The following IGSF23 variants were observed in gnomAD, a reference collection of about 807,000 sequenced individuals.
The protein encoded by IGSF23 is immunoglobulin superfamily, member 23.
IGSF23 carries 14 observed loss-of-function variants against 17.8 expected under a neutral mutation model. That is an observed-to-expected ratio of 0.79 (90% CI 0.52 to 1.23). IGSF23 has a LOEUF of 1.23. Among genes scored for constraint, IGSF23 ranks in the 50% most tolerant of loss-of-function variants. IGSF23 has a pLI of 0.00. For missense variants in IGSF23, 214 were observed against 241.7 expected (o/e 0.89, Z 0.76); for synonymous variants, 85 against 92.5 (o/e 0.92, Z 0.46).
At chr19:44,618,226 A>C (rs569203766) in intron 1 of IGSF23, 2 of 470,520 alleles carry the variant, frequency 4.3e-6, no homozygotes, top group Admixed American at 4.7e-5. Flanking sequence ...TGAGGGTATG[A>C]CGCCCAGCCA....
intron 4 of IGSF23, 51 bp downstream of exon 4, chr19:44,635,516 A>G: frequency 7.5e-7 from 1 of 1,337,758 alleles, no homozygotes; most frequent in Non-Finnish European, 1.0e-6. Context: ...AACAGAAAGA[A>G]GTTCTTGGGC....
At chr19:44,629,184 G>A (rs1386782090) in intron 3 of IGSF23, among the ~76,000 whole-genome samples, 1 of 152,164 alleles carries the variant, frequency 6.6e-6, no homozygotes, top group Non-Finnish European at 1.5e-5. Flanking sequence ...GCCATGGAGG[G>A]TCTAGTGCAA....
At chr19:44,629,314 G>A (rs1208437513) in intron 3 of IGSF23, among the ~76,000 whole-genome samples, 2 of 152,180 alleles carry the variant, frequency 1.3e-5, no homozygotes, top group African/African-American at 2.4e-5. Context: ...CACTTTGGAA[G>A]GCCAAGGCAG....
intron 2 of IGSF23, among the ~76,000 whole-genome samples, chr19:44,626,940 A>G (rs954530062): frequency 6.6e-6 from 1 of 151,398 alleles, no homozygotes; most frequent in East Asian, 1.9e-4. Context: ...AAAAAAAGGA[A>G]TTATGCAAGC....
intron 1 of IGSF23, among the ~76,000 whole-genome samples, chr19:44,621,826 G>C (rs1972527936): frequency 6.6e-6 from 1 of 152,052 alleles, no homozygotes; most frequent in Non-Finnish European, 1.5e-5. Context: ...TTCATGTTTT[G>C]AATGTTGATC....
chr19:44,636,027 C>T (rs1451967941), intron 4 of IGSF23, among the ~76,000 whole-genome samples: 1 of 152,180 alleles, frequency 6.6e-6, no homozygotes, highest in Non-Finnish European at 1.5e-5. Flanking sequence ...GCTGGGACAA[C>T]TGGCCTCTCC....
At chr19:44,632,283 A>G (rs1161629661) in intron 3 of IGSF23, 2 of 206,872 alleles carry the variant, frequency 9.7e-6, no homozygotes, top group Non-Finnish European at 2.0e-5. Flanking sequence ...AATATGCCTA[A>G]TAAGTATAAT....
intron 1 of IGSF23, chr19:44,618,054 C>T (rs1273295204): frequency 2.1e-6 from 1 of 470,434 alleles, no homozygotes; most frequent in Non-Finnish European, 4.4e-6. Flanking sequence ...AATGATTCCT[C>T]CTCCTTCCCT....
In IGSF23 at chr19:44,623,981, C is replaced by T; in HGVS notation, c.391+9C>T. On this transcript the variant is annotated intron_variant, in intron 2 of 4. Coordinates refer to ENST00000402988, the MANE Select transcript of IGSF23 (RefSeq NM_001205280.2). ...AACCATCTCGCTGCCAAGTGAGTCC[C>T]CCATTCCACCCCACCCCACCCCACC... 1 of 1,543,004 alleles carries T rather than the reference C, an allele frequency of 6.5e-7. No homozygotes were observed. The highest frequency in any genetic ancestry group is 2.4e-5 in the East Asian group (1 of 40,852).
intron 1 of IGSF23, among the ~76,000 whole-genome samples, chr19:44,618,447 A>C (rs1972437951): frequency 6.6e-6 from 1 of 152,182 alleles, no homozygotes; most frequent in Non-Finnish European, 1.5e-5. Flanking sequence ...GGAGGGGCTG[A>C]CTTCTCAGAA....
chr19:44,623,757 T>C lies in IGSF23; in HGVS notation c.176T>C (p.Ile59Thr), dbSNP rs1315848065. ...TTCCCAGCTGCTATCCGGGGAGTCATCCAGAGTGAGCTCAACTATTCTGTG... is the reference window on the plus strand; with the variant it reads ...TTCCCAGCTGCTATCCGGGGAGTCACCCAGAGTGAGCTCAACTATTCTGTG... Reference protein sequence around the residue: ...KTFPAAIRGVIQSELNYSVIL... With the variant: ...KTFPAAIRGVTQSELNYSVIL... Residue 59 changes from isoleucine to threonine, a missense_variant, in exon 2 of 5, where the codon ATC (isoleucine) becomes ACC (threonine). Transcript: ENST00000402988. 1.9e-6 allele frequency: 3 copies of C among 1,551,098 alleles called. No individual in the cohort carries two copies. The highest frequency in any genetic ancestry group is 2.6e-6 in the Non-Finnish European group (3 of 1,147,094).
At chr19:44,618,995 A>AG (rs1555755939) in intron 1 of IGSF23, among the ~76,000 whole-genome samples, 2 of 151,784 alleles carry the variant, frequency 1.3e-5, no homozygotes, top group Non-Finnish European at 2.9e-5. Flanking sequence ...AAAAAAAAAA[A>AG]AAGAAGAAGA....
chr19:44,614,795 C>A (rs1042724101), intron 1 of IGSF23, among the ~76,000 whole-genome samples: 1 of 152,084 alleles, frequency 6.6e-6, no homozygotes, highest in African/African-American at 2.4e-5. Flanking sequence ...TCTTTGAGAT[C>A]AGAGCTGTAC....
chr19:44,629,399 G>A (rs1265364425), intron 3 of IGSF23, among the ~76,000 whole-genome samples: 1 of 146,122 alleles, frequency 6.8e-6, no homozygotes, highest in Non-Finnish European at 1.5e-5. Flanking sequence ...CAAAACTAAA[G>A]TTTTTTTTTT....
At chr19:44,617,959 G>A in intron 1 of IGSF23, 1 of 386,648 alleles carries the variant, frequency 2.6e-6, no homozygotes, top group Non-Finnish European at 5.3e-6. Context: ...AGGCAGCAGA[G>A]TGGAGCAGAG....
At position 44,627,434 on chromosome 19, in the gene IGSF23, C is replaced by A. The variant is rs144557169; in HGVS notation, c.406C>A (p.Pro136Thr). Residue 136 changes from proline (P) to threonine (T), a missense_variant, in exon 3 of 5, where the codon CCC becomes ACC. Physicochemically the swap from Pro to Thr is conservative, Grantham distance 38. Transcript: ENST00000402988. Reference sequence around the variant, plus strand: ...TTGGTCCCCAGAACCCATCATGCAGCCCACAGAAGCAGAGCCCATGGAGCC... The same window carrying A: ...TTGGTCCCCAGAACCCATCATGCAGACCACAGAAGCAGAGCCCATGGAGCC... ...TISLPKPIMQPTEAEPMEPDP... is the reference protein window; with the variant it reads ...TISLPKPIMQTTEAEPMEPDP... 4.6e-4 allele frequency: 717 copies of A among 1,543,252 alleles called. 7 individuals carry two copies. The African/African-American group carries it at 8.5e-3, about 18-fold the overall frequency.
At chr19:44,628,426 AAC>A (rs1972702002) in intron 3 of IGSF23, among the ~76,000 whole-genome samples, 1 of 152,120 alleles carries the variant, frequency 6.6e-6, no homozygotes, top group African/African-American at 2.4e-5. Flanking sequence ...ACCATCAAGA[AAC>A]ACAATGAATG....
In IGSF23 at chr19:44,624,113, A is replaced by G. The variant is rs998151423; in HGVS notation, c.391+141A>G. 13 of 687,318 alleles carry G rather than the reference A, an allele frequency of 1.9e-5. No homozygotes were observed. In the African/African-American group the frequency reaches 2.0e-4, roughly 11 times the overall value. The allele number at this position is 687,318 out of a possible 1,614,324, so 42.6% of individuals were successfully genotyped here. On this transcript the variant is annotated intron_variant, in intron 2 of 4. Coordinates refer to ENST00000402988, the MANE Select transcript of IGSF23 (RefSeq NM_001205280.2). ...CCCTTTATAGGCAAAATGTCATTCC[A>G]ATGTTCCATCCACCTGGCGGACTGT...
At chr19:44,619,007 G>A (rs1217718514) in intron 1 of IGSF23, among the ~76,000 whole-genome samples, 4 of 151,194 alleles carry the variant, frequency 2.6e-5, no homozygotes, top group African/African-American at 4.9e-5. Flanking sequence ...AGAAGAAGAC[G>A]TTTGATTGGC....
Sources: gnomAD v4.1 joint callset for allele counts (sites outside exome capture counted in the v4.1 genomes callset) on GRCh38, gnomAD v4.1.1 for gene constraint, MANE v1.5 for transcripts, NCBI Gene and HGNC (gene_info 2026-07-23, HGNC 2026-07-21) for gene names.